The following CLK4 variants were observed in gnomAD, a reference collection of about 807,000 sequenced individuals.
CLK4 encodes CDC like kinase 4.
Under a neutral mutation model 64.4 loss-of-function variants are expected in CLK4, and 37 were observed. That is an observed-to-expected ratio of 0.57 (90% CI 0.44 to 0.76). CLK4 has a LOEUF of 0.76. Ranked by LOEUF, CLK4 falls within the 30% of genes least tolerant of loss-of-function variation. CLK4 has a pLI of 0.00. For missense variants in CLK4, 457 were observed against 605.1 expected, an observed-to-expected ratio of 0.76 and a Z score of 2.57; for synonymous variants, 175 against 191.6, an observed-to-expected ratio of 0.91 and a Z score of 0.72.
chr5:178,605,590 T>C (rs1764455980), intron 10 of CLK4, among the ~76,000 whole-genome samples: 1 of 152,228 alleles, frequency 6.6e-6, no homozygotes, highest in Admixed American at 6.5e-5. Context: ...AATAGTTCAC[T>C]TGTTAACACT....
intron 2 of CLK4, chr5:178,619,648 A>C: frequency 6.9e-6 from 3 of 436,438 alleles, no homozygotes; most frequent in Non-Finnish European, 1.1e-5. Context: ...GCTTTAATCT[A>C]GAGATCCCTT....
Position 178,617,268 on chromosome 5 carries a change from C to T in CLK4, c.475+76G>A. On this transcript the variant is annotated intron_variant, in intron 4 of 12. Coordinates refer to ENST00000316308, the MANE Select transcript of CLK4 (RefSeq NM_020666.3). This position sits in a 1 kb window ranked among gnomAD's most constrained non-coding sequence, Gnocchi z 5.2. ...AAAAAAGCAATGAAGAGTTCTTTAG[C>T]CCCCCGCTGACAAACTATTCTTAAA... 5.2e-6 allele frequency: 6 copies of T among 1,159,276 alleles called. No individual in the cohort carries two copies. The highest frequency in any genetic ancestry group is 7.8e-6 in the Non-Finnish European group (6 of 772,652). The allele number at this position is 1,159,276 out of a possible 1,614,324, so 71.8% of individuals were successfully genotyped here.
intron 3 of CLK4, 30 bp downstream of exon 3, chr5:178,618,526 C>A (rs1310173456): frequency 5.9e-6 from 9 of 1,518,132 alleles, no homozygotes. Context: ...AATAAAACTC[C>A]ACTCAAATTG....
At position 178,603,764 on chromosome 5, in the gene CLK4, G is replaced by A; in HGVS notation, c.1306-7C>T. The A allele has an allele frequency of 2.5e-6, 4 of 1,580,860 alleles. No individual in the cohort carries two copies. The highest frequency in any genetic ancestry group is 1.4e-5 in the African/African-American group (1 of 72,956). On this transcript the variant is annotated splice_polypyrimidine_tract_variant and splice_region_variant and intron_variant, in intron 12 of 12. Transcript: ENST00000316308. Reference sequence around the variant, plus strand: ...CATGACAAAGCATAAATTCCTGGGGGAGAAATGTTTTTGTTTTAAAAAAAA... The same window carrying A: ...CATGACAAAGCATAAATTCCTGGGGAAGAAATGTTTTTGTTTTAAAAAAAA...
chr5:178,611,539 T>C (rs544742814), intron 9 of CLK4, among the ~76,000 whole-genome samples: 4 of 152,326 alleles, frequency 2.6e-5, no homozygotes, highest in African/African-American at 9.6e-5. Flanking sequence ...ATGGAACATT[T>C]CCGTCATCAA....
rs778251476 is a variant in CLK4 at position 178,603,830 on chromosome 5, C to T, written c.1305+14G>A. On this transcript the variant is annotated intron_variant, in intron 12 of 12. Transcript: ENST00000316308. Reference sequence around the variant, plus strand: ...ACACGTGGTTTATTTAACCTTTAATCTTTTTTCTTTTACCTTCAACGGTTT... The same window carrying T: ...ACACGTGGTTTATTTAACCTTTAATTTTTTTTCTTTTACCTTCAACGGTTT... 24 of 1,595,986 alleles carry T rather than the reference C, an allele frequency of 1.5e-5. No homozygotes were observed. Among genetic ancestry groups the T allele is most frequent in the African/African-American group, 2.7e-5 (2 of 73,508 alleles).
intron 9 of CLK4, among the ~76,000 whole-genome samples, chr5:178,611,861 A>C (rs1214598769): frequency 6.6e-6 from 1 of 152,158 alleles, no homozygotes. Flanking sequence ...CTGATTTATT[A>C]ACACACCTGA....
In CLK4 at chr5:178,617,372, A is replaced by C; in HGVS notation, c.447T>G (p.Cys149Trp). 6.2e-7 allele frequency: 1 copy of C among 1,614,002 alleles called. No homozygotes were observed. Residue 149 changes from cysteine to tryptophan, a missense_variant, in exon 4 of 13, where the codon TGT (cysteine) becomes TGG (tryptophan). Cys to Trp is a radical substitution (Grantham distance 215). Coordinates refer to ENST00000316308, the MANE Select transcript of CLK4 (RefSeq NM_020666.3). This position sits in a 1 kb window ranked among gnomAD's most constrained non-coding sequence, Gnocchi z 5.2. ...IEDDEEGHLICQSGDVLRARY... is the reference protein window; with the variant it reads ...IEDDEEGHLIWQSGDVLRARY... ...TTGCTCTTAGAACGTCTCCACTTTG[A>C]CAGATCAGGTGACCCTCCTCATCAT...
chr5:178,626,345 G>A (rs1268240700), intron 1 of CLK4, among the ~76,000 whole-genome samples: 2 of 152,086 alleles, frequency 1.3e-5, no homozygotes, highest in Non-Finnish European at 2.9e-5. Context: ...CTGCAACAAT[G>A]TTGTGTTCAG....
Position 178,612,652 on chromosome 5 carries a change from T to C in CLK4, c.922-107A>G, listed in dbSNP as rs1198745246. ...CTTCTTGATTGTCAAAGTAAGCTCA[T>C]GAGAAAGGCAAAGAAGGATTACTTC... On this transcript the variant is annotated intron_variant, in intron 8 of 12. Coordinates refer to ENST00000316308, the MANE Select transcript of CLK4 (RefSeq NM_020666.3). The C allele has an allele frequency of 7.1e-6, 9 of 1,274,632 alleles. No homozygotes were observed. In the East Asian group the frequency reaches 1.9e-4, roughly 27 times the overall value. The allele number at this position is 1,274,632 out of a possible 1,614,324, so 79.0% of individuals were successfully genotyped here.
chr5:178,623,938 A>G (rs1764745190), intron 1 of CLK4, among the ~76,000 whole-genome samples: 1 of 152,248 alleles, frequency 6.6e-6, no homozygotes, highest in Admixed American at 6.5e-5. Context: ...GAGAAATAAT[A>G]TCAGTGTCAT....
At chr5:178,616,398 G>A (rs1395690891) in intron 5 of CLK4, among the ~76,000 whole-genome samples, 2 of 152,158 alleles carry the variant, frequency 1.3e-5, no homozygotes, top group African/African-American at 4.8e-5. Context: ...GTGCCCGGCA[G>A]TCAGCATTCT....
At chr5:178,620,560 C>A (rs1381485280) in intron 2 of CLK4, 1 of 451,412 alleles carries the variant, frequency 2.2e-6, no homozygotes, top group East Asian at 7.0e-5. Flanking sequence ...GATGAACAGA[C>A]TGATTTAATT....
At chr5:178,626,310 C>T (rs926576976) in intron 1 of CLK4, among the ~76,000 whole-genome samples, 1 of 152,190 alleles carries the variant, frequency 6.6e-6, no homozygotes, top group Non-Finnish European at 1.5e-5. Flanking sequence ...TAATAAGATG[C>T]AAAACCACCA....
chr5:178,605,181 A>G (rs1289667841), intron 11 of CLK4, 122 bp downstream of exon 11: 2 of 501,482 alleles, frequency 4.0e-6, no homozygotes, highest in African/African-American at 2.0e-5. Flanking sequence ...CAGTACAGAA[A>G]AAAAAAAAAA....
intron 1 of CLK4, among the ~76,000 whole-genome samples, chr5:178,625,569 C>G (rs930697402): frequency 2.0e-5 from 3 of 152,162 alleles, no homozygotes; most frequent in Admixed American, 1.3e-4. Flanking sequence ...AAAATCACAT[C>G]TGATGACCGA....
chr5:178,621,217 A>ACTGTT, intron 2 of CLK4, among the ~76,000 whole-genome samples: 1 of 152,208 alleles, frequency 6.6e-6, no homozygotes, highest in Non-Finnish European at 1.5e-5. Flanking sequence ...GCCTTAGGTC[A>ACTGTT]TACTCACTGA....
At chr5:178,623,453 C>T (rs1385161641) in intron 1 of CLK4, 37 bp from the exon 2 acceptor site, 2 of 1,553,478 alleles carry the variant, frequency 1.3e-6, no homozygotes, top group Non-Finnish European at 1.7e-6. Context: ...GTGGAGGTTA[C>T]AGATGTGTGA....
At position 178,603,474 on chromosome 5, in the gene CLK4, T is replaced by A; in HGVS notation, c.*143A>T. ...TACTTGCTTAACAAGTTAATTATGC[T>A]ATTGATACAAAACATACAATATTTA... On this transcript the variant is annotated 3_prime_UTR_variant, in exon 13 of 13. Coordinates refer to ENST00000316308, the MANE Select transcript of CLK4 (RefSeq NM_020666.3). The A allele has an allele frequency of 2.0e-6, 1 of 500,540 alleles. No homozygotes were observed. Among genetic ancestry groups the A allele is most frequent in the South Asian group, 6.8e-5 (1 of 14,750 alleles). 31.0% of individuals were successfully genotyped at this position (500,540 alleles called of 1,614,324 possible). A position where few individuals can be genotyped will look rare whatever the true frequency, so the allele number is the denominator to read the frequency against.
Sources: allele counts gnomAD v4.1 joint callset (sites outside exome capture counted in the v4.1 genomes callset), GRCh38; gene constraint gnomAD v4.1.1; non-coding constraint Gnocchi (gnomAD v3.1); transcripts MANE v1.5; gene names NCBI Gene and HGNC (gene_info 2026-07-23, HGNC 2026-07-21).